INPP4B: variants seen among roughly 807,000 people sequenced by gnomAD.
INPP4B encodes the protein inositol polyphosphate-4-phosphatase type II B, also known as inositol polyphosphate 4-phosphatase type II.
In INPP4B, 55 loss-of-function variants were observed where a neutral mutation model predicts 122.5. That is an observed-to-expected ratio of 0.45 (90% CI 0.36 to 0.56). The LOEUF is 0.56. INPP4B is among the 20% of genes least tolerant of loss of function. The pLI is 0.00. For synonymous variants in INPP4B, 403 were observed against 388.7 expected (o/e 1.04, Z -0.43); for missense variants, 1,000 against 1,097.7 (o/e 0.91, Z 1.26).
chr4:142,081,974 A>T, intron 25 of INPP4B, 57 bp downstream of exon 25: 1 of 1,276,980 alleles, frequency 7.8e-7, no homozygotes, highest in Non-Finnish European at 1.0e-6. Flanking sequence ...GAAAAAAAAA[A>T]TAAAAACAAC....
intron 18 of INPP4B, among the ~76,000 whole-genome samples, chr4:142,137,152 G>C (rs951606136): frequency 6.6e-6 from 1 of 152,094 alleles, no homozygotes; most frequent in Non-Finnish European, 1.5e-5. Context: ...AGGCTACAGT[G>C]ACCAAAACAG....
intron 1 of INPP4B, among the ~76,000 whole-genome samples, chr4:142,820,808 T>A (rs1424514181): frequency 6.6e-6 from 1 of 152,154 alleles, no homozygotes; most frequent in African/African-American, 2.4e-5. Flanking sequence ...GCTCCTTTTC[T>A]GTATGTATAA....
At chr4:142,140,291 A>G (rs912164431) in intron 18 of INPP4B, among the ~76,000 whole-genome samples, 1 of 152,242 alleles carries the variant, frequency 6.6e-6, no homozygotes, top group South Asian at 2.1e-4. Flanking sequence ...TGGATAGATT[A>G]GGAAAAATAA....
At chr4:142,252,186 ATTTTTTT>A (rs36065435) in intron 11 of INPP4B, among the ~76,000 whole-genome samples, 3 of 90,224 alleles carry the variant, frequency 3.3e-5, no homozygotes, top group Non-Finnish European at 7.3e-5. Flanking sequence ...TATAGTAGTC[ATTTTTTT>A]TTTTTTTTTT....
At chr4:142,076,687 C>T (rs1770901237) in intron 25 of INPP4B, among the ~76,000 whole-genome samples, 1 of 152,008 alleles carries the variant, frequency 6.6e-6, no homozygotes. Flanking sequence ...CACATGTATA[C>T]ATATGTAACA....
chr4:142,173,031 C>A (rs1826329549), intron 16 of INPP4B, among the ~76,000 whole-genome samples: 1 of 151,940 alleles, frequency 6.6e-6, no homozygotes, highest in South Asian at 2.1e-4. Flanking sequence ...TACCCCATGC[C>A]AGACTAGCTC....
intron 15 of INPP4B, among the ~76,000 whole-genome samples, chr4:142,176,693 C>A (rs995918121): frequency 3.6e-4 from 55 of 152,176 alleles, no homozygotes; most frequent in African/African-American, 1.2e-3. Context: ...GAAAAAAATG[C>A]AGATTCCTTG....
chr4:142,029,620 A>T, intron 25 of INPP4B: 1 of 985,278 alleles, frequency 1.0e-6, no homozygotes, highest in Non-Finnish European at 1.2e-6. Flanking sequence ...CATTCTCTCC[A>T]TAAAGTTACT....
rs1020373266 is a variant in INPP4B at position 142,667,098 on chromosome 4, A to G, written c.-191+58741T>C. Among the ~76,000 whole-genome samples, 33 of 152,226 alleles carry G rather than the reference A, an allele frequency of 2.2e-4. 2 individuals are homozygous for G. Among genetic ancestry groups the G allele is most frequent in the Non-Finnish European group, 1.5e-5 (1 of 68,026 alleles). On this transcript the variant is annotated intron_variant, in intron 2 of 25. Transcript: ENST00000262992. ...GTGGGGCAATGCTGATCATACTAACAGCATAATAGGCTCAAAACCATGATC... is the reference window on the plus strand; with the variant it reads ...GTGGGGCAATGCTGATCATACTAACGGCATAATAGGCTCAAAACCATGATC...
At chr4:142,309,338 A>C (rs1018675610) in intron 8 of INPP4B, among the ~76,000 whole-genome samples, 1 of 152,148 alleles carries the variant, frequency 6.6e-6, no homozygotes, top group Non-Finnish European at 1.5e-5. Flanking sequence ...AATATAACTT[A>C]GAATAAATTT....
In INPP4B at chr4:142,129,597, G is replaced by C. The variant is rs1800275737; in HGVS notation, c.1721-4837C>G. Among the ~76,000 whole-genome samples the C allele has an allele frequency of 2.0e-5, 3 of 152,212 alleles. No individual in the cohort carries two copies. The South Asian group carries it at 6.2e-4, about 32-fold the overall frequency. On this transcript the variant is annotated intron_variant, in intron 18 of 25. Transcript: ENST00000262992. ...CCTGGACATATCCTAGGGGCACAGG[G>C]CCTAGAAACTAGGCTAATTCCAGAC...
chr4:142,432,182 G>A (rs1809468848), intron 3 of INPP4B, among the ~76,000 whole-genome samples: 1 of 151,978 alleles, frequency 6.6e-6, no homozygotes, highest in Non-Finnish European at 1.5e-5. Flanking sequence ...AAAAATCAAT[G>A]TTGTTTTAAA....
chr4:142,774,296 G>A (rs1773525102), intron 1 of INPP4B, among the ~76,000 whole-genome samples: 3 of 148,196 alleles, frequency 2.0e-5, no homozygotes, highest in Admixed American at 2.0e-4. Flanking sequence ...GACACCTTCG[G>A]GCTTATTCTT....
At chr4:142,643,537 G>T (rs1212219677) in intron 2 of INPP4B, among the ~76,000 whole-genome samples, 1 of 152,136 alleles carries the variant, frequency 6.6e-6, no homozygotes, top group Non-Finnish European at 1.5e-5. Flanking sequence ...TGTTCACTTT[G>T]ATAAATCATT....
At chr4:142,192,593 G>A (rs1836486264) in intron 15 of INPP4B, among the ~76,000 whole-genome samples, 1 of 152,082 alleles carries the variant, frequency 6.6e-6, no homozygotes, top group Non-Finnish European at 1.5e-5. Flanking sequence ...ATAAATAATA[G>A]TGGTAATACT....
intron 2 of INPP4B, among the ~76,000 whole-genome samples, chr4:142,652,541 T>C (rs992578410): frequency 2.6e-5 from 4 of 152,268 alleles, no homozygotes; most frequent in East Asian, 3.9e-4. Flanking sequence ...ACAAAATCAA[T>C]GTGCAAAAAT....
At chr4:142,260,454 T>C (rs1739339409) in intron 11 of INPP4B, 38 bp downstream of exon 11, 2 of 1,230,624 alleles carry the variant, frequency 1.6e-6, no homozygotes, top group Non-Finnish European at 2.4e-6. Flanking sequence ...AAAATTCATT[T>C]TTGCATGAAA....
intron 1 of INPP4B, among the ~76,000 whole-genome samples, chr4:142,790,471 ACATCACTACTGAT>A (rs1158574440): frequency 6.6e-6 from 1 of 152,136 alleles, no homozygotes; most frequent in African/African-American, 2.4e-5. Flanking sequence ...AAAATGTTCA[ACATCACTACTGAT>A]CAGGGAAATG....
chr4:142,056,276 G>T (rs1269088709), intron 25 of INPP4B, among the ~76,000 whole-genome samples: 2 of 152,086 alleles, frequency 1.3e-5, no homozygotes, highest in South Asian at 2.1e-4. Flanking sequence ...AAAAACAAAA[G>T]AAATTAGTAT....
Sources: gnomAD v4.1 joint callset for allele counts (sites outside exome capture counted in the v4.1 genomes callset) on GRCh38, gnomAD v4.1.1 for gene constraint, MANE v1.5 for transcripts, NCBI Gene and HGNC (gene_info 2026-07-23, HGNC 2026-07-21) for gene names.